Variants in B3GALT1 observed in about 807,000 individuals in gnomAD.
The protein encoded by B3GALT1 is UDP-Gal:betaGlcNAc beta 1,3-galactosyltransferase, polypeptide 1.
Under a neutral mutation model 23.2 loss-of-function variants are expected in B3GALT1, and 10 were observed. The observed-to-expected ratio is 0.43, with a 90% CI of 0.27 to 0.73. The LOEUF is 0.73. B3GALT1 is among the 30% of genes least tolerant of loss of function. B3GALT1 has a pLI of 0.21. For synonymous variants in B3GALT1, 156 were observed against 141.5 expected, an observed-to-expected ratio of 1.10 and a Z score of -0.73; for missense variants, 299 against 405.4, an observed-to-expected ratio of 0.74 and a Z score of 2.25.
intron 1 of B3GALT1, among the ~76,000 whole-genome samples, chr2:167,487,549 A>C (rs1177236106): frequency 6.6e-6 from 1 of 152,218 alleles, no homozygotes; most frequent in Non-Finnish European, 1.5e-5. Flanking sequence ...TCATGTTAAT[A>C]GTATTCTTTT....
chr2:167,598,029 G>A lies in B3GALT1; in HGVS notation c.-409-48880G>A, dbSNP rs550028929. Among the ~76,000 whole-genome samples the A allele has an allele frequency of 5.3e-5, 8 of 152,180 alleles. No homozygotes were observed. The South Asian group carries it at 1.7e-3, about 32-fold the overall frequency. ...TTTCACCATGTACTTACCAATCTGA[G>A]GACAGCTTTGGTATCTAGTTAATCT... On this transcript the variant is annotated intron_variant, in intron 2 of 4. Transcript: ENST00000392690.
chr2:167,800,746 GTC>G (rs1363997348), intron 3 of B3GALT1, among the ~76,000 whole-genome samples: 1 of 152,270 alleles, frequency 6.6e-6, no homozygotes, highest in East Asian at 1.9e-4. Flanking sequence ...GTTGATCCTT[GTC>G]TCTGTCAGTG....
At chr2:167,315,497 G>A (rs1553511232) in intron 1 of B3GALT1, among the ~76,000 whole-genome samples, 1 of 152,086 alleles carries the variant, frequency 6.6e-6, no homozygotes, top group Admixed American at 6.6e-5. Context: ...GATAATTCCT[G>A]CTTTTCAGGG....
intron 2 of B3GALT1, among the ~76,000 whole-genome samples, chr2:167,560,086 ATC>A: frequency 1.3e-5 from 2 of 152,256 alleles, no homozygotes; most frequent in South Asian, 2.1e-4. Context: ...AGGGAAGCCC[ATC>A]AGACTAACAG....
intron 3 of B3GALT1, among the ~76,000 whole-genome samples, chr2:167,768,225 A>G (rs1230203016): frequency 6.6e-6 from 1 of 152,222 alleles, no homozygotes; most frequent in Non-Finnish European, 1.5e-5. Context: ...GTGGACACCT[A>G]AAATTCACCA....
At chr2:167,865,682 C>T (rs1690199889) in intron 4 of B3GALT1, among the ~76,000 whole-genome samples, 1 of 152,106 alleles carries the variant, frequency 6.6e-6, no homozygotes, top group African/African-American at 2.4e-5. Flanking sequence ...GTCCCAGCTA[C>T]TTGGGAGGCT....
At chr2:167,800,538 A>G (rs1186910574) in intron 3 of B3GALT1, among the ~76,000 whole-genome samples, 1 of 152,234 alleles carries the variant, frequency 6.6e-6, no homozygotes, top group Non-Finnish European at 1.5e-5. Flanking sequence ...AACCTAAAAG[A>G]AAGTACTTAG....
intron 3 of B3GALT1, chr2:167,714,160 T>G: frequency 6.6e-7 from 1 of 1,520,432 alleles, no homozygotes; most frequent in Non-Finnish European, 9.1e-7. Context: ...GTTCTGCTGG[T>G]CCAGACAGTC....
At chr2:167,702,786 G>T (rs1297575902) in intron 3 of B3GALT1, among the ~76,000 whole-genome samples, 1 of 152,102 alleles carries the variant, frequency 6.6e-6, no homozygotes, top group Non-Finnish European at 1.5e-5. Context: ...AAAAATAAGG[G>T]ATTCTTTCTC....
chr2:167,713,624 A>G (rs1317152319), intron 3 of B3GALT1: 2 of 1,145,390 alleles, frequency 1.7e-6, no homozygotes, highest in African/African-American at 1.6e-5. Context: ...GAGATCAGTC[A>G]AAGTTGCTTT....
Position 167,601,188 on chromosome 2 carries a change from T to C in B3GALT1, c.-409-45721T>C, listed in dbSNP as rs573537270. Among the ~76,000 whole-genome samples, 16 of 152,166 alleles carry C rather than the reference T, an allele frequency of 1.1e-4. No homozygotes were observed. The South Asian group carries it at 2.9e-3, about 28-fold the overall frequency. ...GATTCTCCTGCCTCAGCCTCTCGAG[T>C]AGCTGGAATTACAGGCACGTGCCAC... On this transcript the variant is annotated intron_variant, in intron 2 of 4. Coordinates refer to ENST00000392690, the MANE Select transcript of B3GALT1 (RefSeq NM_020981.4).
At chr2:167,702,627 T>G (rs988087220) in intron 3 of B3GALT1, among the ~76,000 whole-genome samples, 1 of 152,214 alleles carries the variant, frequency 6.6e-6, no homozygotes, top group Non-Finnish European at 1.5e-5. Context: ...TCAATATAGC[T>G]AGAACCCTGG....
At chr2:167,621,090 T>TTC (rs1685249153) in intron 2 of B3GALT1, among the ~76,000 whole-genome samples, 2 of 4,546 alleles carry the variant, frequency 4.4e-4, no homozygotes, top group Non-Finnish European at 7.4e-4. Flanking sequence ...TTTTCAGTTC[T>TTC]TTTTTTTTTT....
At chr2:167,522,695 CA>C (rs1299369880) in intron 2 of B3GALT1, among the ~76,000 whole-genome samples, 1 of 151,984 alleles carries the variant, frequency 6.6e-6, no homozygotes, top group African/African-American at 2.4e-5. Flanking sequence ...TTCAAGGTAC[CA>C]AAAAATCTGT....
Position 167,456,586 on chromosome 2 carries a change from CAT to C in B3GALT1, c.-510-33589_-510-33588del, listed in dbSNP as rs370945753. On this transcript the variant is annotated intron_variant, in intron 1 of 4. Coordinates refer to ENST00000392690, the MANE Select transcript of B3GALT1 (RefSeq NM_020981.4). ...GCAAATATCAGGTCCCCAGGTTATT[CAT>C]ACTTCTGTCAGTCCTGGCTAGAAAG... 7.9e-5 allele frequency among the ~76,000 whole-genome samples: 12 copies of C among 152,320 alleles called. No homozygotes were observed. In the South Asian group the frequency reaches 1.9e-3, roughly 24 times the overall value.
intron 2 of B3GALT1, among the ~76,000 whole-genome samples, chr2:167,613,183 T>C (rs929738096): frequency 1.3e-5 from 2 of 151,936 alleles, no homozygotes; most frequent in Admixed American, 1.3e-4. Context: ...ATCTCTAAGA[T>C]TTTTATCCTA....
chr2:167,533,712 T>C (rs1394172388), intron 2 of B3GALT1, among the ~76,000 whole-genome samples: 1 of 152,224 alleles, frequency 6.6e-6, no homozygotes. Context: ...TGATAGTTAT[T>C]GTTCAGATTC....
chr2:167,603,941 T>A (rs1347023854), intron 2 of B3GALT1, among the ~76,000 whole-genome samples: 3 of 152,084 alleles, frequency 2.0e-5, no homozygotes, highest in Non-Finnish European at 2.9e-5. Flanking sequence ...CAATTTTGAA[T>A]AATTTAAAAT....
chr2:167,739,432 C>A (rs964319246), intron 3 of B3GALT1, among the ~76,000 whole-genome samples: 1 of 152,126 alleles, frequency 6.6e-6, no homozygotes, highest in South Asian at 2.1e-4. Flanking sequence ...GTTCATAGTG[C>A]CAAGGTCAAA....
Sources: gnomAD v4.1 joint callset for allele counts (sites outside exome capture counted in the v4.1 genomes callset) on GRCh38, gnomAD v4.1.1 for gene constraint, MANE v1.5 for transcripts, NCBI Gene and HGNC (gene_info 2026-07-23, HGNC 2026-07-21) for gene names.